Variants in KCNMA1 observed in about 807,000 individuals in gnomAD.
KCNMA1 encodes potassium calcium-activated channel subfamily M alpha 1.
Under a neutral mutation model 140.0 loss-of-function variants are expected in KCNMA1, and 29 were observed. That is an observed-to-expected ratio of 0.21 (90% CI 0.15 to 0.28). KCNMA1 has a LOEUF of 0.28. KCNMA1 is among the 10% of genes least tolerant of loss of function. The probability of loss-of-function intolerance (pLI) is 1.00; values close to 1 mark genes in which losing one functional copy is unlikely to be tolerated. For synonymous variants in KCNMA1, 612 were observed against 611.9 expected, an observed-to-expected ratio of 1.00 and a Z score of 0.00; for missense variants, 880 against 1,602.2, an observed-to-expected ratio of 0.55 and a Z score of 7.70.
chr10:77,168,438 A>G (rs779067043), intron 5 of KCNMA1, among the ~76,000 whole-genome samples: 2 of 152,200 alleles, frequency 1.3e-5, no homozygotes, highest in African/African-American at 4.8e-5. Flanking sequence ...ATAGCCTCCT[A>G]CACACCTAGG....
At chr10:77,249,487 T>TA (rs905924559) in intron 3 of KCNMA1, 27 of 151,612 alleles carry the variant, frequency 1.8e-4, no homozygotes, top group Non-Finnish European at 2.9e-4. Context: ...GTTAAAAAAA[T>TA]AAAAAAAATA....
intron 1 of KCNMA1, among the ~76,000 whole-genome samples, chr10:77,544,162 G>A (rs1046026920): frequency 1.3e-5 from 2 of 151,296 alleles, no homozygotes; most frequent in East Asian, 1.9e-4. Context: ...GTGTGTGTGT[G>A]TGTGTGTGTG....
At chr10:77,293,192 T>C (rs1057211456) in intron 2 of KCNMA1, among the ~76,000 whole-genome samples, 43 of 152,192 alleles carry the variant, frequency 2.8e-4, no homozygotes, top group Admixed American at 1.2e-3. Flanking sequence ...GAACTTACAA[T>C]TGATTTCATT....
chr10:77,510,424 T>C (rs2047943135), intron 1 of KCNMA1, among the ~76,000 whole-genome samples: 1 of 152,144 alleles, frequency 6.6e-6, no homozygotes, highest in Non-Finnish European at 1.5e-5. Flanking sequence ...TTCAATTATT[T>C]ATGTCCTCTC....
At chr10:77,575,473 C>G (rs2073731983) in intron 1 of KCNMA1, among the ~76,000 whole-genome samples, 1 of 152,232 alleles carries the variant, frequency 6.6e-6, no homozygotes, top group Non-Finnish European at 1.5e-5. Context: ...AAACGGGAAT[C>G]TTGGCTGCAC....
intron 24 of KCNMA1, chr10:76,914,332 G>A: frequency 1.7e-6 from 1 of 576,044 alleles, no homozygotes; most frequent in Non-Finnish European, 3.1e-6. Flanking sequence ...GAGTGCCATG[G>A]CCAGGTTAGA....
chr10:77,215,469 T>C (rs571238149), intron 3 of KCNMA1, among the ~76,000 whole-genome samples: 1 of 152,092 alleles, frequency 6.6e-6, no homozygotes, highest in South Asian at 2.1e-4. Flanking sequence ...TTTATTGTTT[T>C]ACTTATTTAC....
chr10:77,575,749 A>G (rs1420896921), intron 1 of KCNMA1, among the ~76,000 whole-genome samples: 1 of 152,192 alleles, frequency 6.6e-6, no homozygotes. Context: ...TGTTCCAAGC[A>G]TTTGCTTTAT....
chr10:77,345,697 T>C (rs2091991079), intron 2 of KCNMA1, among the ~76,000 whole-genome samples: 1 of 152,232 alleles, frequency 6.6e-6, no homozygotes, highest in Non-Finnish European at 1.5e-5. Context: ...GGTCTTCAAC[T>C]GCCATGCAAA....
At chr10:77,229,336 CA>C (rs146613662) in intron 3 of KCNMA1, among the ~76,000 whole-genome samples, 2,297 of 123,564 alleles carry the variant, frequency 0.019, 28 homozygotes, top group African/African-American at 0.058. Context: ...AAGCCCATGG[CA>C]AAAAAAAAAA....
chr10:77,588,693 T>C (rs1167019122), intron 1 of KCNMA1, among the ~76,000 whole-genome samples: 2 of 152,206 alleles, frequency 1.3e-5, no homozygotes, highest in Non-Finnish European at 2.9e-5. Flanking sequence ...GCAAGATAGA[T>C]AATATTATCT....
chr10:77,140,448 C>T (rs2098139359), intron 5 of KCNMA1: 1 of 152,682 alleles, frequency 6.5e-6, no homozygotes, highest in African/African-American at 2.4e-5. Flanking sequence ...GTCTGTAAAG[C>T]TCTGTGCCGG....
At chr10:77,081,263 T>TTCACAA (rs2096558850) in intron 12 of KCNMA1, among the ~76,000 whole-genome samples, 1 of 152,206 alleles carries the variant, frequency 6.6e-6, no homozygotes, top group African/African-American at 2.4e-5. Context: ...CAACAGTACC[T>TTCACAA]GCTTTATTTA....
chr10:76,917,303 G>A (rs757816845), intron 23 of KCNMA1, among the ~76,000 whole-genome samples: 1 of 152,246 alleles, frequency 6.6e-6, no homozygotes, highest in Middle Eastern at 3.4e-3. Context: ...ATCAAATGCT[G>A]ACTTGAGAAA....
At chr10:77,308,164 G>A (rs1416632834) in intron 2 of KCNMA1, among the ~76,000 whole-genome samples, 3 of 152,150 alleles carry the variant, frequency 2.0e-5, no homozygotes, top group South Asian at 4.1e-4. Flanking sequence ...CAGACCAACA[G>A]AGAGGAGTGA....
intron 2 of KCNMA1, among the ~76,000 whole-genome samples, chr10:77,306,284 A>G (rs2077698937): frequency 6.6e-6 from 1 of 152,202 alleles, no homozygotes; most frequent in Non-Finnish European, 1.5e-5. Context: ...TGGATAACAC[A>G]TGGGGGTTCA....
chr10:77,126,044 C>A (rs975721896), intron 5 of KCNMA1, among the ~76,000 whole-genome samples: 1 of 152,106 alleles, frequency 6.6e-6, no homozygotes, highest in African/African-American at 2.4e-5. Flanking sequence ...CGACTTCAGG[C>A]TAAGAGAGGA....
chr10:77,601,948 T>C (rs1420733270), intron 1 of KCNMA1, among the ~76,000 whole-genome samples: 1 of 152,194 alleles, frequency 6.6e-6, no homozygotes, highest in East Asian at 1.9e-4. Context: ...TCCAGCTCCC[T>C]TGATTTCGAG....
intron 5 of KCNMA1, among the ~76,000 whole-genome samples, chr10:77,142,021 G>T (rs936811043): frequency 6.6e-6 from 1 of 152,156 alleles, no homozygotes; most frequent in Non-Finnish European, 1.5e-5. Flanking sequence ...ATCAGAGAGT[G>T]AAACAATATA....
Sources: allele counts gnomAD v4.1 joint callset (sites outside exome capture counted in the v4.1 genomes callset), GRCh38; gene constraint gnomAD v4.1.1; transcripts MANE v1.5; gene names NCBI Gene and HGNC (gene_info 2026-07-23, HGNC 2026-07-21).